ATP6V0D2: variants seen among roughly 807,000 people sequenced by gnomAD.
ATP6V0D2 encodes V-type proton ATPase subunit d 2.
ATP6V0D2 carries 40 observed loss-of-function variants against 40.0 expected under a neutral mutation model. The ratio of observed to expected loss-of-function variants is 1.00; its 90% CI spans 0.78 to 1.30. ATP6V0D2 has a LOEUF of 1.30. Ranked by LOEUF, ATP6V0D2 falls within the 50% of genes most tolerant of loss-of-function variation. The probability of loss-of-function intolerance (pLI) is 0.00; values close to 1 mark genes in which losing one functional copy is unlikely to be tolerated. For synonymous variants in ATP6V0D2, 179 were observed against 156.3 expected (o/e 1.15, Z -1.08); for missense variants, 470 against 423.1 (o/e 1.11, Z -0.97).
chr8:86,132,091 G>C (rs1352759428), intron 2 of ATP6V0D2, among the ~76,000 whole-genome samples: 1 of 152,108 alleles, frequency 6.6e-6, no homozygotes, highest in Non-Finnish European at 1.5e-5. Flanking sequence ...TATCACAACT[G>C]TTCTTTTTCC....
At chr8:86,145,618 T>C (rs1325676349) in intron 5 of ATP6V0D2, among the ~76,000 whole-genome samples, 2 of 152,172 alleles carry the variant, frequency 1.3e-5, no homozygotes, top group Admixed American at 6.5e-5. Flanking sequence ...CTCTCAGTCA[T>C]GCTAATCATG....
chr8:86,150,558 A>G (rs1303242726), intron 6 of ATP6V0D2, among the ~76,000 whole-genome samples: 4 of 152,138 alleles, frequency 2.6e-5, no homozygotes, highest in Non-Finnish European at 5.9e-5. Flanking sequence ...AGTGTTTGAT[A>G]AAGCAAGTTC....
chr8:86,146,967 A>G (rs537110308), intron 5 of ATP6V0D2, among the ~76,000 whole-genome samples: 1 of 151,506 alleles, frequency 6.6e-6, no homozygotes, highest in African/African-American at 2.4e-5. Context: ...CTCAGCTTAC[A>G]TGTGAAAATT....
rs765315024 is a variant in ATP6V0D2, at chr8:86,142,941, G to T, written c.626G>T (p.Cys209Phe). ...NHGDVTAEVM[C>F]PILEFEADRR... ...GGTGATGTCACAGCAGAAGTTATGTGTCCCATTCTTGAGGTAAGAAAGAGT... is the reference window on the plus strand; with the variant it reads ...GGTGATGTCACAGCAGAAGTTATGTTTCCCATTCTTGAGGTAAGAAAGAGT... The change falls in exon 5 of 8, where the codon TGT (cysteine) becomes TTT (phenylalanine). Residue 209 changes from cysteine to phenylalanine, a missense_variant. Transcript: ENST00000285393. 2 of 1,609,090 alleles carry T rather than the reference G, an allele frequency of 1.2e-6. No homozygotes were observed. Among genetic ancestry groups the T allele is most frequent in the African/African-American group, 2.7e-5 (2 of 74,770 alleles).
chr8:86,105,627 T>TTTC (rs1198140950), intron 1 of ATP6V0D2, among the ~76,000 whole-genome samples: 1 of 146,102 alleles, frequency 6.8e-6, no homozygotes, highest in Non-Finnish European at 1.5e-5. Context: ...TTTTCTTTTT[T>TTTC]TTTTTTTTTG....
At chr8:86,146,968 T>G (rs1441834875) in intron 5 of ATP6V0D2, among the ~76,000 whole-genome samples, 3 of 151,172 alleles carry the variant, frequency 2.0e-5, no homozygotes, top group Non-Finnish European at 4.4e-5. Flanking sequence ...TCAGCTTACA[T>G]GTGAAAATTT....
At chr8:86,120,511 G>C (rs1021415004) in intron 2 of ATP6V0D2, among the ~76,000 whole-genome samples, 1 of 152,062 alleles carries the variant, frequency 6.6e-6, no homozygotes, top group Non-Finnish European at 1.5e-5. Context: ...TTAAGTGCAG[G>C]AGTTTGATTC....
At chr8:86,137,231 C>T (rs1049044624) in intron 2 of ATP6V0D2, among the ~76,000 whole-genome samples, 1 of 152,192 alleles carries the variant, frequency 6.6e-6, no homozygotes, top group African/African-American at 2.4e-5. Context: ...TCTGATGACC[C>T]CTTAGTTGCT....
intron 2 of ATP6V0D2, among the ~76,000 whole-genome samples, chr8:86,121,574 AAAG>A (rs1329816467): frequency 7.6e-6 from 1 of 131,264 alleles, no homozygotes; most frequent in African/African-American, 3.0e-5. Flanking sequence ...CACCATTTCA[AAAG>A]AAGGAGGAGG....
chr8:86,117,245 G>A (rs1438364831), intron 2 of ATP6V0D2, among the ~76,000 whole-genome samples: 1 of 151,956 alleles, frequency 6.6e-6, no homozygotes, highest in Non-Finnish European at 1.5e-5. Context: ...GTATTTTATT[G>A]TACCCTGTTT....
Position 86,152,697 on chromosome 8 carries a change from A to C in ATP6V0D2, c.892-119A>C, listed in dbSNP as rs373357496. ...TACTCCTCTATTTGGCCCAATTTAG[A>C]GATTGCCTGTTTAAACACAAATAAG... On this transcript the variant is annotated intron_variant, in intron 7 of 7. Coordinates refer to ENST00000285393, the MANE Select transcript of ATP6V0D2 (RefSeq NM_152565.1). 7.7e-5 allele frequency: 73 copies of C among 946,340 alleles called. 2 individuals are homozygous for C. The highest frequency in any genetic ancestry group is 7.6e-4 in the Admixed American group (24 of 31,498). The allele number at this position is 946,340 out of a possible 1,614,324, so 58.6% of individuals were successfully genotyped here. A position where few individuals can be genotyped will look rare whatever the true frequency, so the allele number is the denominator to read the frequency against.
intron 2 of ATP6V0D2, among the ~76,000 whole-genome samples, chr8:86,114,595 G>A (rs1208530617): frequency 6.6e-6 from 1 of 152,170 alleles, no homozygotes; most frequent in African/African-American, 2.4e-5. Context: ...GCTTAAAGCC[G>A]GGAGGCGGAG....
intron 2 of ATP6V0D2, among the ~76,000 whole-genome samples, chr8:86,137,269 C>T (rs1337641935): frequency 1.5e-4 from 23 of 152,132 alleles, no homozygotes; most frequent in Admixed American, 1.5e-3. Context: ...ACTTCCAGGT[C>T]TCAACTTACA....
chr8:86,114,071 T>C (rs1818563640), intron 2 of ATP6V0D2, among the ~76,000 whole-genome samples, 191 bp downstream of exon 2: 1 of 152,148 alleles, frequency 6.6e-6, no homozygotes, highest in Admixed American at 6.6e-5. Context: ...ATGGATTTCA[T>C]TGATTTATAA....
chr8:86,152,713 C>T, intron 7 of ATP6V0D2, 103 bp from the exon 8 acceptor site: 2 of 1,164,944 alleles, frequency 1.7e-6, no homozygotes, highest in Admixed American at 2.9e-5. Context: ...CCTGTTTAAA[C>T]ACAAATAAGC....
rs150345297 is a variant in ATP6V0D2, at chr8:86,099,040, G to A, written c.62G>A (p.Arg21Gln). 6.8e-6 allele frequency: 11 copies of A among 1,613,664 alleles called. No individual in the cohort carries two copies. Among genetic ancestry groups the A allele is most frequent in the Middle Eastern group, 3.3e-4 (2 of 6,084 alleles). ...VDHGYLEGLVRGCKASLLTQQ... is the reference protein window; with the variant it reads ...VDHGYLEGLVQGCKASLLTQQ... ...CATGGCTACCTGGAGGGCCTGGTTC[G>A]AGGATGCAAGGCCAGCCTCCTGACC... The change falls in exon 1 of 8, where the codon CGA becomes CAA. Residue 21 changes from arginine (R) to glutamine (Q), a missense_variant. Transcript: ENST00000285393.
chr8:86,150,113 T>C lies in ATP6V0D2; in HGVS notation c.641T>C (p.Phe214Ser), dbSNP rs1379037044. 6.2e-7 allele frequency: 1 copy of C among 1,610,358 alleles called. No homozygotes were observed. The highest frequency in any genetic ancestry group is 8.5e-7 in the Non-Finnish European group (1 of 1,177,896). ...TAEVMCPILE[F>S]EADRRAFIIT... is the part of the protein sequence containing the mutation. ...ACTGGTTTTGTCTTGCAAATTCAGT[T>C]TGAGGCCGACAGACGTGCTTTTATC... The change falls in exon 6 of 8, where the codon TTT becomes TCT. Residue 214 changes from phenylalanine to serine, a missense_variant and splice_region_variant. Transcript: ENST00000285393.
rs1554589942 is a variant in ATP6V0D2, at chr8:86,145,374, G to GAAGGAAGGAAGGAAGGAAAGAAAAGA, written c.639+2422_639+2423insGGAAGGAAGGAAGGAAAGAAAAGAAA. Among the ~76,000 whole-genome samples the GAAGGAAGGAAGGAAGGAAAGAAAAGA allele has an allele frequency of 3.4e-4, 27 of 79,240 alleles. 1 individual carries two copies. The highest frequency in any genetic ancestry group is 7.2e-3 in the Middle Eastern group (1 of 138). The allele number at this position is 79,240 out of a possible 152,430, so 52.0% of individuals were successfully genotyped here. On this transcript the variant is annotated intron_variant, in intron 5 of 7. Transcript: ENST00000285393. ...AGAAGGAAGGAAGGAAGGAAGGAAG[G>GAAGGAAGGAAGGAAGGAAAGAAAAGA]AAAGAAAAGAAAAGAAAAGAAAAGA...
intron 1 of ATP6V0D2, among the ~76,000 whole-genome samples, chr8:86,102,997 C>T (rs1818423337): frequency 6.6e-6 from 1 of 152,088 alleles, no homozygotes; most frequent in Admixed American, 6.6e-5. Context: ...ATTCTTCCCT[C>T]CTCAAAAAAG....
Sources: allele counts gnomAD v4.1 joint callset (sites outside exome capture counted in the v4.1 genomes callset), GRCh38; gene constraint gnomAD v4.1.1; transcripts MANE v1.5; gene names NCBI Gene and HGNC (gene_info 2026-07-23, HGNC 2026-07-21).